Variants in GNA12 observed in about 807,000 individuals in gnomAD.
The protein encoded by GNA12 is guanine nucleotide-binding protein subunit alpha-12.
In GNA12, 9 loss-of-function variants were observed where a neutral mutation model predicts 26.0. That is an observed-to-expected ratio of 0.35 (90% CI 0.21 to 0.60). The LOEUF is 0.60. Ranked by LOEUF, GNA12 falls within the 20% of genes least tolerant of loss-of-function variation. The probability of loss-of-function intolerance (pLI) is 0.78; values close to 1 mark genes in which losing one functional copy is unlikely to be tolerated. For synonymous variants in GNA12, 264 were observed against 219.6 expected (o/e 1.20, Z -1.79); for missense variants, 405 against 525.8 (o/e 0.77, Z 2.25).
At chr7:2,817,965 C>T in intron 1 of GNA12, among the ~76,000 whole-genome samples, 1 of 152,192 alleles carries the variant, frequency 6.6e-6, no homozygotes. Context: ...CACCTGCTTT[C>T]ATAGTTAGGA....
At chr7:2,762,439 C>T (rs1328530037) in intron 2 of GNA12, 3 of 506,512 alleles carry the variant, frequency 5.9e-6, no homozygotes, top group African/African-American at 4.0e-5. Flanking sequence ...AGGGCAAAAA[C>T]GCTACTTAAC....
chr7:2,768,545 A>C (rs1170605090), intron 2 of GNA12, among the ~76,000 whole-genome samples: 2 of 152,236 alleles, frequency 1.3e-5, no homozygotes, highest in Non-Finnish European at 2.9e-5. Context: ...CAGGAAAACA[A>C]AGGTTAGAGT....
chr7:2,832,506 C>T (rs1326220869), intron 1 of GNA12, among the ~76,000 whole-genome samples: 3 of 152,208 alleles, frequency 2.0e-5, no homozygotes, highest in African/African-American at 7.2e-5. Flanking sequence ...CGTTCCACCA[C>T]GGTGACGAGA....
chr7:2,781,089 T>C (rs1052746800), intron 2 of GNA12, among the ~76,000 whole-genome samples: 13 of 152,228 alleles, frequency 8.5e-5, no homozygotes, highest in African/African-American at 2.7e-4. Context: ...CAGAAGTGCC[T>C]ATTGAAAGCC....
intron 2 of GNA12, chr7:2,762,528 T>G: frequency 8.6e-7 from 1 of 1,163,456 alleles, no homozygotes; most frequent in Non-Finnish European, 1.2e-6. Context: ...CAAAAGCAGT[T>G]CCACCACGCC....
chr7:2,788,246 G>C (rs1318272356), intron 2 of GNA12, among the ~76,000 whole-genome samples: 1 of 152,178 alleles, frequency 6.6e-6, no homozygotes, highest in Non-Finnish European at 1.5e-5. Context: ...GGCTCCCCCA[G>C]GCTGCTCAAC....
intron 2 of GNA12, among the ~76,000 whole-genome samples, chr7:2,736,948 T>C (rs1790212587): frequency 6.6e-6 from 1 of 152,184 alleles, no homozygotes; most frequent in African/African-American, 2.4e-5. Flanking sequence ...TCGAGATCAG[T>C]ACATGAGGGG....
chr7:2,795,782 C>A (rs1382949516), intron 1 of GNA12, among the ~76,000 whole-genome samples: 4 of 151,128 alleles, frequency 2.6e-5, no homozygotes, highest in African/African-American at 9.7e-5. Context: ...CAGAAAATTT[C>A]ACTGGAAAAT....
chr7:2,779,685 G>C (rs1159807671), intron 2 of GNA12, among the ~76,000 whole-genome samples: 5 of 152,028 alleles, frequency 3.3e-5, no homozygotes, highest in Non-Finnish European at 5.9e-5. Flanking sequence ...TACAACTTCA[G>C]CCTCCGGGGT....
rs372286192 is a variant in GNA12 at position 2,831,638 on chromosome 7, C to T, written c.309+12215G>A. 9.2e-5 allele frequency among the ~76,000 whole-genome samples: 14 copies of T among 152,112 alleles called. No homozygotes were observed. The South Asian group carries it at 2.5e-3, about 27-fold the overall frequency. ...CAGGATGGTCTCGATCTCCTGACCT[C>T]GTGATCCGCCCGCCTCAGCCTCCCA... On this transcript the variant is annotated intron_variant, in intron 1 of 3. Coordinates refer to ENST00000275364, the MANE Select transcript of GNA12 (RefSeq NM_007353.3).
rs1456554537 is a variant in GNA12 at position 2,835,631 on chromosome 7, C to T, written c.309+8222G>A. The T allele has an allele frequency of 3.8e-6, 3 of 789,640 alleles. No homozygotes were observed. The African/African-American group carries it at 5.2e-5, about 14-fold the overall frequency. The allele number at this position is 789,640 out of a possible 1,614,324, so 48.9% of individuals were successfully genotyped here. ...TTCTCCAGTCCCGAGATGGTGGCCACCATGAAGAAGACGGCTGCAGAAGAT... is the reference window on the plus strand; with the variant it reads ...TTCTCCAGTCCCGAGATGGTGGCCATCATGAAGAAGACGGCTGCAGAAGAT... On this transcript the variant is annotated intron_variant, in intron 1 of 3. Transcript: ENST00000275364.
chr7:2,769,149 C>T (rs992825259), intron 2 of GNA12, among the ~76,000 whole-genome samples: 4 of 152,152 alleles, frequency 2.6e-5, no homozygotes, highest in Non-Finnish European at 4.4e-5. Context: ...AGTGATCCAA[C>T]CGTCTTGGCC....
chr7:2,785,811 C>T (rs1034340368), intron 2 of GNA12, among the ~76,000 whole-genome samples: 1 of 152,200 alleles, frequency 6.6e-6, no homozygotes, highest in African/African-American at 2.4e-5. Context: ...CTTTGGGAGA[C>T]TGAGGTGGGT....
intron 1 of GNA12, among the ~76,000 whole-genome samples, chr7:2,824,612 T>C (rs1392423161): frequency 2.0e-5 from 3 of 152,210 alleles, no homozygotes; most frequent in Non-Finnish European, 4.4e-5. Flanking sequence ...TTGTTTCCAA[T>C]GATGTATCCC....
chr7:2,749,699 C>T (rs958901076), intron 2 of GNA12, among the ~76,000 whole-genome samples: 3 of 151,730 alleles, frequency 2.0e-5, no homozygotes, highest in Admixed American at 6.6e-5. Context: ...TTATCAGATA[C>T]ACAAAAAACA....
chr7:2,831,177 T>C (rs1038584629), intron 1 of GNA12, among the ~76,000 whole-genome samples: 2 of 151,782 alleles, frequency 1.3e-5, no homozygotes, highest in Non-Finnish European at 2.9e-5. Flanking sequence ...AACAGTCTCA[T>C]TGTGCTACGG....
At chr7:2,808,064 T>A (rs945328686) in intron 1 of GNA12, among the ~76,000 whole-genome samples, 2 of 152,274 alleles carry the variant, frequency 1.3e-5, no homozygotes, top group African/African-American at 4.8e-5. Flanking sequence ...GGCATCCATC[T>A]TCTCTTCTAT....
intron 1 of GNA12, chr7:2,836,119 CA>C (rs35734348): frequency 4.4e-6 from 1 of 225,162 alleles, no homozygotes; most frequent in Admixed American, 5.8e-5. Flanking sequence ...GCAATCTTTA[CA>C]AAAAAATCAA....
Position 2,731,337 on chromosome 7 carries a change from G to A in GNA12, c.990C>T (p.Tyr330=), listed in dbSNP as rs1180253122. The A allele has an allele frequency of 1.2e-6, 2 of 1,613,794 alleles. No homozygotes were observed. Among genetic ancestry groups the A allele is most frequent in the African/African-American group, 1.3e-5 (1 of 74,844 alleles). Residue 330 remains tyrosine (Y), a synonymous_variant, in exon 4 of 4, where the codon TAC becomes TAT. Coordinates refer to ENST00000275364, the MANE Select transcript of GNA12 (RefSeq NM_007353.3). The surrounding 1 kb of genome is among the most constrained non-coding windows in gnomAD (Gnocchi z 6.0). The part of the protein sequence containing the change: ...DPHRLEDVQR[Y]LVQCFDRKRR... The stretch of plus-strand genomic sequence containing the variant: ...TCTTCCTGTCGAAGCACTGGACCAG[G>A]TAGCGCTGGACGTCCTCCAGCCTGT...
Sources: gnomAD v4.1 joint callset for allele counts (sites outside exome capture counted in the v4.1 genomes callset) on GRCh38, gnomAD v4.1.1 for gene constraint, Gnocchi (gnomAD v3.1) non-coding constraint, MANE v1.5 for transcripts, NCBI Gene and HGNC (gene_info 2026-07-23, HGNC 2026-07-21) for gene names.